The following ADGRL3 variants were observed in gnomAD, a reference collection of about 807,000 sequenced individuals.
The protein encoded by ADGRL3 is adhesion G protein-coupled receptor L3.
Under a neutral mutation model 153.5 loss-of-function variants are expected in ADGRL3, and 62 were observed. That is an observed-to-expected ratio of 0.40 (90% CI 0.33 to 0.50). The LOEUF is 0.50. Among genes scored for constraint, ADGRL3 ranks in the 20% least tolerant of loss-of-function variants. ADGRL3 has a pLI of 0.47. For missense variants in ADGRL3, 1,641 were observed against 1,859.4 expected (o/e 0.88, Z 2.16); for synonymous variants, 710 against 672.5 (o/e 1.06, Z -0.86).
intron 8 of ADGRL3, among the ~76,000 whole-genome samples, chr4:61,784,216 G>T (rs1178059206): frequency 6.6e-6 from 1 of 152,096 alleles, no homozygotes; most frequent in African/African-American, 2.4e-5. Context: ...GAATAGACCA[G>T]ATGATAAAAT....
chr4:61,905,831 G>A lies in ADGRL3; in HGVS notation c.1888-3729G>A, dbSNP rs868588369. Among the ~76,000 whole-genome samples the A allele has an allele frequency of 5.9e-5, 9 of 151,488 alleles. No homozygotes were observed. In the South Asian group the frequency reaches 1.0e-3, roughly 18 times the overall value. ...AATCACTTGAACTGGGGAGACAGAGGTTGCAGTGAGTCGAGATCATGCCAC... is the reference window on the plus strand; with the variant it reads ...AATCACTTGAACTGGGGAGACAGAGATTGCAGTGAGTCGAGATCATGCCAC... On this transcript the variant is annotated intron_variant, in intron 11 of 26. Transcript: ENST00000683033.
rs183664529 is a variant in ADGRL3, at chr4:61,246,600, T to A, written c.-240+44835T>A. On this transcript the variant is annotated intron_variant, in intron 1 of 26. Coordinates refer to ENST00000683033, the MANE Select transcript of ADGRL3 (RefSeq NM_001387552.1). ...CCAAGTCTAATGTAAATTTTATGTT[T>A]TATTATTTTTCTTATTTTTGTTACA... Among the ~76,000 whole-genome samples, 145 of 152,088 alleles carry A rather than the reference T, an allele frequency of 9.5e-4. 1 individual carries two copies. In the East Asian group the frequency reaches 0.023, roughly 24 times the overall value.
chr4:61,966,768 C>T (rs1489540463), intron 17 of ADGRL3, among the ~76,000 whole-genome samples: 1 of 152,092 alleles, frequency 6.6e-6, no homozygotes, highest in African/African-American at 2.4e-5. Flanking sequence ...TTGCTCTGTC[C>T]TGTTCTAAGG....
intron 1 of ADGRL3, among the ~76,000 whole-genome samples, chr4:61,331,057 C>G (rs1004285003): frequency 6.6e-6 from 1 of 152,084 alleles, no homozygotes; most frequent in African/African-American, 2.4e-5. Context: ...GCTTTTGAAA[C>G]CAGTTAGGTT....
intron 8 of ADGRL3, among the ~76,000 whole-genome samples, chr4:61,762,248 A>T (rs1250215343): frequency 6.6e-6 from 1 of 152,194 alleles, no homozygotes; most frequent in Non-Finnish European, 1.5e-5. Flanking sequence ...AATTTCATAA[A>T]ATTTTTGAAA....
chr4:61,320,580 T>G (rs773713286), intron 1 of ADGRL3, among the ~76,000 whole-genome samples: 21 of 152,188 alleles, frequency 1.4e-4, no homozygotes, highest in Non-Finnish European at 2.2e-4. Context: ...TTCTTCTCCC[T>G]TAGGAAACCT....
chr4:61,808,815 A>C (rs2097578367), intron 8 of ADGRL3, among the ~76,000 whole-genome samples: 1 of 148,162 alleles, frequency 6.7e-6, no homozygotes, highest in Admixed American at 6.7e-5. Context: ...TTTAAGGATC[A>C]GAGCTACTTT....
At chr4:61,321,822 G>A (rs2150767902) in intron 1 of ADGRL3, among the ~76,000 whole-genome samples, 1 of 152,212 alleles carries the variant, frequency 6.6e-6, no homozygotes, top group South Asian at 2.1e-4. Flanking sequence ...TGCATTGACT[G>A]TATTTTAATC....
chr4:61,836,701 A>T (rs765402246), intron 9 of ADGRL3, among the ~76,000 whole-genome samples: 1 of 152,062 alleles, frequency 6.6e-6, no homozygotes, highest in Non-Finnish European at 1.5e-5. Context: ...TTTTAAAATG[A>T]CTGTATTTGT....
chr4:61,656,362 T>G (rs2094442831), intron 5 of ADGRL3, among the ~76,000 whole-genome samples: 1 of 151,078 alleles, frequency 6.6e-6, no homozygotes, highest in African/African-American at 2.4e-5. Context: ...CTTTTTTTTG[T>G]GGGGGGGGTG....
intron 13 of ADGRL3, among the ~76,000 whole-genome samples, chr4:61,930,298 C>T (rs544852796): frequency 6.6e-6 from 1 of 152,108 alleles, no homozygotes; most frequent in East Asian, 1.9e-4. Flanking sequence ...TAGGTTCCCC[C>T]AGATGATTCT....
At chr4:61,393,213 T>C (rs1411388252) in intron 2 of ADGRL3, among the ~76,000 whole-genome samples, 1 of 152,144 alleles carries the variant, frequency 6.6e-6, no homozygotes, top group African/African-American at 2.4e-5. Flanking sequence ...TGTGATGGTC[T>C]TGGGTCATTG....
chr4:61,686,023 CAGAGTT>C (rs10550942), intron 6 of ADGRL3, among the ~76,000 whole-genome samples: 48,792 of 151,328 alleles, frequency 0.32, 8,870 homozygotes, highest in Middle Eastern at 0.45. Flanking sequence ...GTTGGATTGA[CAGAGTT>C]AGGAAAATAT....
intron 2 of ADGRL3, among the ~76,000 whole-genome samples, chr4:61,421,399 G>T (rs2097206129): frequency 6.6e-6 from 1 of 151,622 alleles, no homozygotes; most frequent in Non-Finnish European, 1.5e-5. Flanking sequence ...TAACACAGTT[G>T]CTGTGAGGAT....
At chr4:61,340,060 T>G (rs745432100) in intron 1 of ADGRL3, among the ~76,000 whole-genome samples, 2 of 152,222 alleles carry the variant, frequency 1.3e-5, no homozygotes, top group Non-Finnish European at 2.9e-5. Context: ...GTATCTGTGC[T>G]TATTCTGCAC....
intron 13 of ADGRL3, among the ~76,000 whole-genome samples, chr4:61,924,719 G>T (rs971821465): frequency 1.3e-5 from 2 of 152,098 alleles, no homozygotes; most frequent in Admixed American, 6.6e-5. Flanking sequence ...TGTTCCCTCT[G>T]ATTGGAATGC....
At chr4:61,477,569 T>C (rs1486692441) in intron 2 of ADGRL3, among the ~76,000 whole-genome samples, 1 of 152,200 alleles carries the variant, frequency 6.6e-6, no homozygotes, top group African/African-American at 2.4e-5. Context: ...AATTTCATTG[T>C]ATATTTTCTT....
chr4:61,867,542 T>TA (rs2098410203), intron 9 of ADGRL3, among the ~76,000 whole-genome samples: 4 of 54,788 alleles, frequency 7.3e-5, no homozygotes, highest in Non-Finnish European at 1.4e-4. Flanking sequence ...ATATATATAA[T>TA]TGTAGGAGAG....
chr4:61,370,952 T>A (rs1348443847), intron 1 of ADGRL3, among the ~76,000 whole-genome samples: 1 of 150,610 alleles, frequency 6.6e-6, no homozygotes, highest in Non-Finnish European at 1.5e-5. Flanking sequence ...AGTTAGCTCT[T>A]CTTGTTGAAT....
Sources: allele counts gnomAD v4.1 joint callset (sites outside exome capture counted in the v4.1 genomes callset), GRCh38; gene constraint gnomAD v4.1.1; transcripts MANE v1.5; gene names NCBI Gene and HGNC (gene_info 2026-07-23, HGNC 2026-07-21).